The following CADPS2 variants were observed in gnomAD, a reference collection of about 807,000 sequenced individuals.
CADPS2 encodes calcium-dependent secretion activator 2.
A neutral mutation model predicts 172.5 loss-of-function variants in CADPS2; 93 were observed. The ratio of observed to expected loss-of-function variants is 0.54; its 90% CI spans 0.46 to 0.64. The LOEUF is 0.64. CADPS2 is among the 30% of genes least tolerant of loss of function. The pLI is 0.00. For synonymous variants in CADPS2, 546 were observed against 555.2 expected (o/e 0.98, Z 0.23); for missense variants, 1,420 against 1,565.9 (o/e 0.91, Z 1.57).
intron 9 of CADPS2, among the ~76,000 whole-genome samples, chr7:122,507,157 G>A (rs1022766359): frequency 6.6e-6 from 1 of 152,076 alleles, no homozygotes; most frequent in East Asian, 1.9e-4. Flanking sequence ...ACAGAATAAT[G>A]TGACAGAGAA....
intron 8 of CADPS2, among the ~76,000 whole-genome samples, chr7:122,546,575 C>G (rs2063642465): frequency 6.6e-6 from 1 of 151,906 alleles, no homozygotes. Context: ...TTCCTTTTTT[C>G]AGGGACTTTC....
At chr7:122,416,967 C>T (rs2047997860) in intron 17 of CADPS2, among the ~76,000 whole-genome samples, 1 of 152,176 alleles carries the variant, frequency 6.6e-6, no homozygotes, top group Non-Finnish European at 1.5e-5. Flanking sequence ...CCAATAAGGA[C>T]ATTAAAGATA....
intron 20 of CADPS2, among the ~76,000 whole-genome samples, chr7:122,395,892 C>T (rs1208244222): frequency 1.3e-5 from 2 of 151,974 alleles, no homozygotes; most frequent in Non-Finnish European, 2.9e-5. Context: ...TCACTGCAAC[C>T]TCTGCCTCCT....
intron 11 of CADPS2, among the ~76,000 whole-genome samples, chr7:122,485,765 T>C (rs111518246): frequency 6.6e-6 from 1 of 152,218 alleles, no homozygotes; most frequent in African/African-American, 2.4e-5. Flanking sequence ...TCCAGGACTT[T>C]CGCAGTTAGA....
At chr7:122,612,398 C>T (rs1459895702) in intron 6 of CADPS2, among the ~76,000 whole-genome samples, 4 of 151,706 alleles carry the variant, frequency 2.6e-5, no homozygotes, top group African/African-American at 9.7e-5. Context: ...TTTCTAATAA[C>T]TTGAATGATT....
chr7:122,398,756 C>G (rs2045508506), intron 20 of CADPS2, among the ~76,000 whole-genome samples: 1 of 151,444 alleles, frequency 6.6e-6, no homozygotes, highest in African/African-American at 2.4e-5. Flanking sequence ...CTCTCTCTCT[C>G]TCTCTCTCCC....
At chr7:122,370,039 G>T (rs2041565021) in intron 25 of CADPS2, among the ~76,000 whole-genome samples, 1 of 152,062 alleles carries the variant, frequency 6.6e-6, no homozygotes, top group African/African-American at 2.4e-5. Flanking sequence ...CCAGGCCCTG[G>T]TTTCTGCAGT....
At chr7:122,840,553 CAAAAA>C (rs5887117) in intron 1 of CADPS2, among the ~76,000 whole-genome samples, 1 of 130,104 alleles carries the variant, frequency 7.7e-6, no homozygotes. Flanking sequence ...TTTTTAAATG[CAAAAA>C]AAAAAAAAAA....
rs1428177599 is a variant in CADPS2, at chr7:122,645,335, ACACATG to A, written c.787-16013_787-16008del. Among the ~76,000 whole-genome samples the A allele has an allele frequency of 1.7e-4, 18 of 107,412 alleles. 1 individual carries two copies. The highest frequency in any genetic ancestry group is 2.7e-4 in the Non-Finnish European group (12 of 45,180). The allele number at this position is 107,412 out of a possible 152,430, so 70.5% of individuals were successfully genotyped here. ...TGTGTGTATACATGTACATATATAC[ACACATG>A]TACATGTGTGTGTATACATGTACAT... On this transcript the variant is annotated intron_variant, in intron 3 of 29. Coordinates refer to ENST00000449022, the MANE Select transcript of CADPS2 (RefSeq NM_017954.11).
chr7:122,361,248 A>ATTTTTTTTTTTTTTGTTTTTTTTTTTTT (rs1181719835), intron 25 of CADPS2, among the ~76,000 whole-genome samples: 1 of 111,202 alleles, frequency 9.0e-6, no homozygotes. Context: ...TTTTTTTTTA[A>ATTTTTTTTTTTTTTGTTTTTTTTTTTTT]AATGAGATGG....
At chr7:122,839,373 G>A (rs1809649739) in intron 1 of CADPS2, among the ~76,000 whole-genome samples, 1 of 152,030 alleles carries the variant, frequency 6.6e-6, no homozygotes, top group African/African-American at 2.4e-5. Context: ...GCATGGGCAA[G>A]GACTTCATGT....
chr7:122,856,625 G>A (rs929600764), intron 1 of CADPS2, among the ~76,000 whole-genome samples: 2 of 151,772 alleles, frequency 1.3e-5, no homozygotes, highest in African/African-American at 2.4e-5. Context: ...CACAATACTG[G>A]GGCCAGCAAT....
chr7:122,322,866 A>G (rs2032896778), intron 29 of CADPS2, among the ~76,000 whole-genome samples: 3 of 152,178 alleles, frequency 2.0e-5, no homozygotes, highest in Admixed American at 2.0e-4. Context: ...GAAGAATGGC[A>G]ATCCCTGTGA....
chr7:122,339,374 T>A (rs1399749335), intron 28 of CADPS2, among the ~76,000 whole-genome samples: 1 of 152,180 alleles, frequency 6.6e-6, no homozygotes, highest in Non-Finnish European at 1.5e-5. Flanking sequence ...TGTTTAATGG[T>A]CACCCTTATC....
At chr7:122,339,936 A>G (rs2036516542) in intron 28 of CADPS2, among the ~76,000 whole-genome samples, 1 of 152,238 alleles carries the variant, frequency 6.6e-6, no homozygotes, top group Admixed American at 6.5e-5. Flanking sequence ...TTGGGAGTCC[A>G]GAGGCAAACA....
At chr7:122,712,221 T>G (rs562234306) in intron 2 of CADPS2, among the ~76,000 whole-genome samples, 3 of 152,232 alleles carry the variant, frequency 2.0e-5, no homozygotes, top group Admixed American at 2.0e-4. Flanking sequence ...AGGGCAGGAC[T>G]TCGCTATGCT....
intron 8 of CADPS2, among the ~76,000 whole-genome samples, chr7:122,543,860 A>G (rs2063348433): frequency 6.6e-6 from 1 of 152,168 alleles, no homozygotes; most frequent in African/African-American, 2.4e-5. Flanking sequence ...CTCTGCCTTC[A>G]AGAGACAATA....
At chr7:122,845,785 G>T (rs899477179) in intron 1 of CADPS2, among the ~76,000 whole-genome samples, 4 of 152,164 alleles carry the variant, frequency 2.6e-5, no homozygotes, top group Non-Finnish European at 5.9e-5. Flanking sequence ...GGGGCTACAA[G>T]CAACAGGAAA....
At chr7:122,798,384 A>G (rs1796865897) in intron 1 of CADPS2, among the ~76,000 whole-genome samples, 2 of 152,150 alleles carry the variant, frequency 1.3e-5, no homozygotes, top group East Asian at 1.9e-4. Flanking sequence ...TAGGCCATCT[A>G]AAGTCTGAAG....
Sources: gnomAD v4.1 joint callset for allele counts (sites outside exome capture counted in the v4.1 genomes callset) on GRCh38, gnomAD v4.1.1 for gene constraint, MANE v1.5 for transcripts, NCBI Gene and HGNC (gene_info 2026-07-23, HGNC 2026-07-21) for gene names.